The following DPH6 variants were observed in gnomAD, a reference collection of about 807,000 sequenced individuals.
DPH6 encodes the protein diphthamine biosynthesis 6, also known as diphthine--ammonia ligase.
Under a neutral mutation model 38.2 loss-of-function variants are expected in DPH6, and 33 were observed. The observed-to-expected ratio is 0.86, with a 90% confidence interval of 0.65 to 1.15. DPH6 has a LOEUF of 1.15. Ranked by LOEUF, DPH6 falls within the 50% of genes most tolerant of loss-of-function variation. The probability of loss-of-function intolerance (pLI) is 0.00; values close to 1 mark genes in which losing one functional copy is unlikely to be tolerated. For synonymous variants in DPH6, 108 were observed against 103.0 expected (o/e 1.05, Z -0.30); for missense variants, 325 against 320.0 (o/e 1.02, Z -0.12).
chr15:35,301,975 A>AAAT (rs1012144052), intron 3 of DPH6, among the ~76,000 whole-genome samples: 6 of 152,016 alleles, frequency 3.9e-5, no homozygotes, highest in Admixed American at 2.6e-4. Flanking sequence ...CTCCATCTCA[A>AAAT]AATAATAATA....
intron 3 of DPH6, among the ~76,000 whole-genome samples, chr15:35,497,464 T>C (rs1321327336): frequency 6.6e-6 from 1 of 152,192 alleles, no homozygotes; most frequent in Non-Finnish European, 1.5e-5. Context: ...GTGTTCCTTT[T>C]TCATACAACA....
chr15:35,255,108 TA>T (rs1024324276), intron 3 of DPH6, among the ~76,000 whole-genome samples: 3 of 152,084 alleles, frequency 2.0e-5, no homozygotes, highest in Admixed American at 1.3e-4. Context: ...TGACACTTGG[TA>T]AAAGGTAAAA....
At chr15:35,541,512 T>C (rs1243671990) in intron 2 of DPH6, among the ~76,000 whole-genome samples, 1 of 152,130 alleles carries the variant, frequency 6.6e-6, no homozygotes, top group Non-Finnish European at 1.5e-5. Context: ...ATTTACAGAA[T>C]GCCTACTTCA....
At chr15:35,289,986 A>C (rs1319999086) in intron 3 of DPH6, among the ~76,000 whole-genome samples, 1 of 152,196 alleles carries the variant, frequency 6.6e-6, no homozygotes, top group South Asian at 2.1e-4. Context: ...ATTATCATAC[A>C]TTAAATTGAA....
At chr15:35,196,765 A>G in the DPH6 span, among the ~76,000 whole-genome samples, 3 of 152,204 alleles carry the variant, frequency 2.0e-5, no homozygotes, top group South Asian at 4.1e-4. Flanking sequence ...GCATTGGCAC[A>G]TAAGTATCCA....
intron 3 of DPH6, chr15:35,299,503 C>A: frequency 1.4e-6 from 1 of 702,936 alleles, no homozygotes; most frequent in Non-Finnish European, 2.6e-6. Flanking sequence ...GTGGCGGCAG[C>A]GCGGAGCCGG....
chr15:35,486,302 T>A (rs995684642), intron 3 of DPH6, among the ~76,000 whole-genome samples: 5 of 151,950 alleles, frequency 3.3e-5, no homozygotes, highest in Admixed American at 3.3e-4. Context: ...ACATGGGGAT[T>A]ATGGAGATTA....
chr15:35,480,554 G>A (rs2141147665), intron 3 of DPH6, among the ~76,000 whole-genome samples: 1 of 151,962 alleles, frequency 6.6e-6, no homozygotes, highest in East Asian at 1.9e-4. Context: ...TACACAGAAT[G>A]GCCTTTAAAA....
intron 3 of DPH6, among the ~76,000 whole-genome samples, chr15:35,478,824 T>C (rs2054293633): frequency 6.6e-6 from 1 of 152,010 alleles, no homozygotes; most frequent in African/African-American, 2.4e-5. Context: ...CCTACAATTA[T>C]TAGATAGATA....
chr15:35,457,766 A>T (rs2054015170), intron 3 of DPH6, among the ~76,000 whole-genome samples: 1 of 152,248 alleles, frequency 6.6e-6, no homozygotes, highest in Non-Finnish European at 1.5e-5. Flanking sequence ...AAAATAATTC[A>T]GGCAAATAAC....
chr15:35,404,959 C>T (rs532027949), intron 6 of DPH6, among the ~76,000 whole-genome samples: 2 of 152,188 alleles, frequency 1.3e-5, no homozygotes, highest in South Asian at 4.2e-4. Context: ...CTAGTTTTCC[C>T]TACATAATTT....
At chr15:35,512,195 C>T (rs979402590) in intron 3 of DPH6, among the ~76,000 whole-genome samples, 2 of 151,994 alleles carry the variant, frequency 1.3e-5, no homozygotes, top group African/African-American at 4.8e-5. Context: ...AATGATTAAA[C>T]TACTTTTACT....
intron 3 of DPH6, among the ~76,000 whole-genome samples, chr15:35,528,487 C>A (rs1361780533): frequency 6.6e-6 from 1 of 152,026 alleles, no homozygotes; most frequent in Non-Finnish European, 1.5e-5. Context: ...TATTTAAATA[C>A]CATCATCAAG....
At chr15:35,312,717 C>G (rs976678399) in intron 3 of DPH6, among the ~76,000 whole-genome samples, 1 of 152,154 alleles carries the variant, frequency 6.6e-6, no homozygotes. Flanking sequence ...AAAAAGAACT[C>G]TATTTCCTTC....
At chr15:35,455,095 G>C (rs1419156262) in intron 3 of DPH6, among the ~76,000 whole-genome samples, 1 of 152,052 alleles carries the variant, frequency 6.6e-6, no homozygotes, top group African/African-American at 2.4e-5. Flanking sequence ...CTTCCAAAAT[G>C]TTTCACACTT....
chr15:35,209,804 C>A, the DPH6 span, among the ~76,000 whole-genome samples: 3 of 152,146 alleles, frequency 2.0e-5, no homozygotes, highest in Non-Finnish European at 4.4e-5. Context: ...TCAATCAAAC[C>A]TTATTATTCC....
chr15:35,310,543 T>A (rs1261205600), intron 3 of DPH6, among the ~76,000 whole-genome samples: 2 of 152,120 alleles, frequency 1.3e-5, no homozygotes, highest in East Asian at 1.9e-4. Flanking sequence ...AGGATGTAGG[T>A]GGAAGCTTAA....
the DPH6 span, among the ~76,000 whole-genome samples, chr15:35,206,902 G>A: frequency 5.6e-3 from 851 of 151,730 alleles, 6 homozygotes; most frequent in African/African-American, 0.019. Flanking sequence ...TCCTTTCCCC[G>A]TTGATTACTC....
intron 3 of DPH6, among the ~76,000 whole-genome samples, chr15:35,293,246 T>C (rs1376715907): frequency 6.6e-6 from 1 of 152,230 alleles, no homozygotes; most frequent in African/African-American, 2.4e-5. Flanking sequence ...AAATAAAGAA[T>C]AGAGCACAAA....
Sources: gnomAD v4.1 joint callset for allele counts (sites outside exome capture counted in the v4.1 genomes callset) on GRCh38, gnomAD v4.1.1 for gene constraint, MANE v1.5 for transcripts, NCBI Gene and HGNC (gene_info 2026-07-23, HGNC 2026-07-21) for gene names.